The following CMTR1 variants were observed in gnomAD, a reference collection of about 807,000 sequenced individuals.
The protein encoded by CMTR1 is cap methyltransferase 1.
A neutral mutation model predicts 107.0 loss-of-function variants in CMTR1; 39 were observed. That is an observed-to-expected ratio of 0.36 (90% CI 0.28 to 0.48). The LOEUF is 0.48. Among genes scored for constraint, CMTR1 ranks in the 20% least tolerant of loss-of-function variants. The pLI is 0.99. For missense variants in CMTR1, 672 were observed against 1,064.9 expected (o/e 0.63, Z 5.14); for synonymous variants, 366 against 379.5 (o/e 0.96, Z 0.41).
chr6:37,480,557 G>C lies in CMTR1; in HGVS notation c.*412G>C. The C allele has an allele frequency of 9.6e-7, 1 of 1,042,772 alleles. No individual in the cohort carries two copies. The highest frequency in any genetic ancestry group is 1.2e-6 in the Non-Finnish European group (1 of 867,948). 64.6% of individuals were successfully genotyped at this position (1,042,772 alleles called of 1,614,324 possible). ...CTGAGGGTAGCCATGCCCTTGCTTT[G>C]CCCAACTTTTTATTGGGCCATCCCT... On this transcript the variant is annotated 3_prime_UTR_variant, in exon 24 of 24. Coordinates refer to ENST00000373451, the MANE Select transcript of CMTR1 (RefSeq NM_015050.3).
intron 3 of CMTR1, 75 bp from the exon 4 acceptor site, chr6:37,446,216 T>C: frequency 6.8e-7 from 1 of 1,476,172 alleles, no homozygotes; most frequent in Non-Finnish European, 9.3e-7. Context: ...TTTAGCACAC[T>C]GTTTGGCATG....
At chr6:37,429,937 C>G (rs1771340148), upstream of CMTR1, among the ~76,000 whole-genome samples, 2 of 82,096 alleles carry the variant, frequency 2.4e-5, no homozygotes, top group South Asian at 6.3e-4. Context: ...GACTCTGTCT[C>G]AAAAAATAAT....
chr6:37,444,320 A>G (rs1771737385), intron 3 of CMTR1, among the ~76,000 whole-genome samples, 170 bp downstream of exon 3: 1 of 152,204 alleles, frequency 6.6e-6, no homozygotes, highest in Non-Finnish European at 1.5e-5. Context: ...TATCTATCAC[A>G]TTTGTATCAT....
At chr6:37,424,873 G>T in the CMTR1 span, among the ~76,000 whole-genome samples, 1 of 150,678 alleles carries the variant, frequency 6.6e-6, no homozygotes, top group African/African-American at 2.4e-5. Flanking sequence ...AGCATTTCTT[G>T]AAGGGCAGAT....
chr6:37,446,463 TGAG>T lies in CMTR1; in HGVS notation c.444+21_444+23del. On this transcript the variant is annotated intron_variant, in intron 4 of 23. Transcript: ENST00000373451. Reference sequence around the variant, plus strand: ...GATGAGCCAGAGGTAAGTGTTAAAGTGAGGAGGAGATGGAAAAGCCACTTGTGT... The same window carrying T: ...GATGAGCCAGAGGTAAGTGTTAAAGTGAGGAGATGGAAAAGCCACTTGTGT... 2.5e-6 allele frequency: 4 copies of T among 1,601,120 alleles called. No homozygotes were observed. Among genetic ancestry groups the T allele is most frequent in the Non-Finnish European group, 3.4e-6 (4 of 1,175,254 alleles).
chr6:37,481,455 T>C lies in CMTR1; in HGVS notation c.*1310T>C. 1 of 1,155,488 alleles carries C rather than the reference T, an allele frequency of 8.7e-7. No homozygotes were observed. The highest frequency in any genetic ancestry group is 1.1e-6 in the Non-Finnish European group (1 of 926,108). The allele number at this position is 1,155,488 out of a possible 1,614,324, so 71.6% of individuals were successfully genotyped here. A position where few individuals can be genotyped will look rare whatever the true frequency, so the allele number is the denominator to read the frequency against. ...TGCTGTATTTCCACCCAATTCTGGG[T>C]ATATCAGTGTGTCTTGCAGAATCTT... On this transcript the variant is annotated 3_prime_UTR_variant, in exon 24 of 24. Coordinates refer to ENST00000373451, the MANE Select transcript of CMTR1 (RefSeq NM_015050.3).
intron 11 of CMTR1, 43 bp downstream of exon 11, chr6:37,461,688 G>A (rs769464823): frequency 1.5e-6 from 2 of 1,317,496 alleles, no homozygotes; most frequent in Non-Finnish European, 2.1e-6. Context: ...GACCCACTTA[G>A]AGGCCCTATT....
the CMTR1 span, among the ~76,000 whole-genome samples, chr6:37,425,378 C>T: frequency 6.6e-6 from 1 of 150,816 alleles, no homozygotes; most frequent in African/African-American, 2.4e-5. Flanking sequence ...TCCACTGTAA[C>T]CTCCACCTCC....
In CMTR1 at chr6:37,481,451, T is replaced by G. The variant is rs1360658101; in HGVS notation, c.*1306T>G. On this transcript the variant is annotated 3_prime_UTR_variant, in exon 24 of 24. Transcript: ENST00000373451. ...GAGATGCTGTATTTCCACCCAATTC[T>G]GGGTATATCAGTGTGTCTTGCAGAA... 3 of 1,162,504 alleles carry G rather than the reference T, an allele frequency of 2.6e-6. No individual in the cohort carries two copies. In the Admixed American group the frequency reaches 1.2e-4, roughly 46 times the overall value. 72.0% of individuals were successfully genotyped at this position (1,162,504 alleles called of 1,614,324 possible).
At chr6:37,437,699 C>T (rs559193869) in intron 2 of CMTR1, among the ~76,000 whole-genome samples, 40 of 151,952 alleles carry the variant, frequency 2.6e-4, no homozygotes, top group Non-Finnish European at 4.0e-4. Context: ...TTACTGCACG[C>T]GATGGTTCTG....
intron 13 of CMTR1, among the ~76,000 whole-genome samples, chr6:37,466,881 T>A (rs577009946): frequency 2.6e-5 from 4 of 152,114 alleles, no homozygotes; most frequent in South Asian, 2.1e-4. Flanking sequence ...CCTTTAAGGA[T>A]CCTTTAGGGC....
chr6:37,472,622 C>T lies in CMTR1; in HGVS notation c.1689+135C>T. On this transcript the variant is annotated intron_variant, in intron 16 of 23. Coordinates refer to ENST00000373451, the MANE Select transcript of CMTR1 (RefSeq NM_015050.3). This position sits in a 1 kb window ranked among gnomAD's most constrained non-coding sequence, Gnocchi z 4.1. ...CCACCATGGGCTCTAAGGGGCGGAG[C>T]TAAGGCTGCCACAGGTGGGAACCTT... The T allele has an allele frequency of 1.2e-6, 1 of 842,724 alleles. No homozygotes were observed. The highest frequency in any genetic ancestry group is 2.0e-6 in the Non-Finnish European group (1 of 509,766). The allele number at this position is 842,724 out of a possible 1,614,324, so 52.2% of individuals were successfully genotyped here.
chr6:37,472,571 G>A lies in CMTR1; in HGVS notation c.1689+84G>A, dbSNP rs1482461434. ...GGTATCACTGAGGCCCCAGATGCAT[G>A]GTCTCCAGAGGGCTTGTGCAGATGC... is the stretch of plus-strand genomic sequence containing the variant. On this transcript the variant is annotated intron_variant, in intron 16 of 23. Coordinates refer to ENST00000373451, the MANE Select transcript of CMTR1 (RefSeq NM_015050.3). The surrounding 1 kb of genome is among the most constrained non-coding windows in gnomAD (Gnocchi z 4.1). The A allele has an allele frequency of 7.5e-6, 10 of 1,336,488 alleles. No homozygotes were observed. The East Asian group carries it at 2.1e-4, about 28-fold the overall frequency. 82.8% of individuals were successfully genotyped at this position (1,336,488 alleles called of 1,614,324 possible).
At chr6:37,464,306 A>G (rs1235226314) in intron 13 of CMTR1, among the ~76,000 whole-genome samples, 1 of 151,970 alleles carries the variant, frequency 6.6e-6, no homozygotes, top group Non-Finnish European at 1.5e-5. Flanking sequence ...TCTACTAAAA[A>G]TTCAAAAAAA....
chr6:37,463,804 T>C (rs966207133), intron 13 of CMTR1, among the ~76,000 whole-genome samples: 1 of 152,226 alleles, frequency 6.6e-6, no homozygotes, highest in African/African-American at 2.4e-5. Flanking sequence ...GTTTTAACTT[T>C]CCACAGTACT....
chr6:37,480,710 C>G lies in CMTR1; in HGVS notation c.*565C>G, dbSNP rs930121250. 9 of 1,026,958 alleles carry G rather than the reference C, an allele frequency of 8.8e-6. No homozygotes were observed. The highest frequency in any genetic ancestry group is 7.4e-5 in the South Asian group (2 of 26,946). The allele number at this position is 1,026,958 out of a possible 1,614,324, so 63.6% of individuals were successfully genotyped here. A position where few individuals can be genotyped will look rare whatever the true frequency, so the allele number is the denominator to read the frequency against. ...AGACCATTTTCTTGTCTCCTTCCCC[C>G]ACTCATCCTGGCCTTCCCTGGAGTT... is the stretch of plus-strand genomic sequence containing the variant. On this transcript the variant is annotated 3_prime_UTR_variant, in exon 24 of 24. Coordinates refer to ENST00000373451, the MANE Select transcript of CMTR1 (RefSeq NM_015050.3).
chr6:37,461,153 T>TC (rs1158645991), intron 10 of CMTR1, among the ~76,000 whole-genome samples: 1 of 152,226 alleles, frequency 6.6e-6, no homozygotes, highest in Non-Finnish European at 1.5e-5. Flanking sequence ...CTCCCTGGTC[T>TC]TGTTAGGACT....
At chr6:37,478,713 T>C (rs896790419) in intron 22 of CMTR1, among the ~76,000 whole-genome samples, 192 bp downstream of exon 22, 3 of 152,136 alleles carry the variant, frequency 2.0e-5, no homozygotes, top group Non-Finnish European at 2.9e-5. Flanking sequence ...CCGTGGGCCC[T>C]GGGAGTTGGT....
At chr6:37,426,487 G>T in the CMTR1 span, among the ~76,000 whole-genome samples, 1 of 150,584 alleles carries the variant, frequency 6.6e-6, no homozygotes, top group Non-Finnish European at 1.5e-5. Flanking sequence ...AGTGCAGGTT[G>T]TCTCTGTGCC....
Sources: allele counts gnomAD v4.1 joint callset (sites outside exome capture counted in the v4.1 genomes callset), GRCh38; gene constraint gnomAD v4.1.1; non-coding constraint Gnocchi (gnomAD v3.1); transcripts MANE v1.5; gene names NCBI Gene and HGNC (gene_info 2026-07-23, HGNC 2026-07-21).